Variants in CUL1 observed in about 807,000 individuals in gnomAD.
The protein encoded by CUL1 is cullin 1.
In CUL1, 24 loss-of-function variants were observed where a neutral mutation model predicts 118.0. The ratio of observed to expected loss-of-function variants is 0.20; its 90% CI spans 0.15 to 0.29. The LOEUF (loss-of-function observed/expected upper bound fraction) is 0.29. CUL1 is among the 10% of genes least tolerant of loss of function. The pLI, the probability that CUL1 is intolerant of heterozygous loss-of-function variation, is 1.00. For synonymous variants in CUL1, 332 were observed against 340.4 expected, an observed-to-expected ratio of 0.98 and a Z score of 0.27; for missense variants, 361 against 933.8, an observed-to-expected ratio of 0.39 and a Z score of 7.99.
At chr7:148,799,232 T>TA (rs576360928) in intron 20 of CUL1, 43 bp from the exon 21 acceptor site, 29 of 1,471,708 alleles carry the variant, frequency 2.0e-5, no homozygotes, top group Admixed American at 5.0e-5. Flanking sequence ...ACAACGTTGT[T>TA]ACAGCTCTAA....
At chr7:148,783,638 G>A in intron 9 of CUL1, 145 bp from the exon 10 acceptor site, 2 of 1,542,160 alleles carry the variant, frequency 1.3e-6, no homozygotes, top group Non-Finnish European at 1.7e-6. Flanking sequence ...GGTACCAAAA[G>A]TATTTCTTGC....
intron 7 of CUL1, among the ~76,000 whole-genome samples, chr7:148,766,118 G>T (rs1421020103): frequency 6.6e-6 from 1 of 152,138 alleles, no homozygotes; most frequent in Non-Finnish European, 1.5e-5. Flanking sequence ...TAAAATCAAA[G>T]AACTTTTTCC....
At chr7:148,765,228 A>G (rs1563162896) in intron 7 of CUL1, among the ~76,000 whole-genome samples, 1 of 152,256 alleles carries the variant, frequency 6.6e-6, no homozygotes, top group Non-Finnish European at 1.5e-5. Flanking sequence ...AGTTCTTGAT[A>G]GTACAAGTCC....
chr7:148,800,589 TG>T lies in CUL1; in HGVS notation c.*9del. ...CTACAGTTACTTGGCTTAACCCTTC[TG>T]GAAGGGTCTGACTGTGTGACCCGCA... On this transcript the variant is annotated 3_prime_UTR_variant, in exon 22 of 22. Coordinates refer to ENST00000325222, the MANE Select transcript of CUL1 (RefSeq NM_003592.3). This position sits in a 1 kb window ranked among gnomAD's most constrained non-coding sequence, Gnocchi z 4.6. 6.3e-7 allele frequency: 1 copy of T among 1,593,830 alleles called. No homozygotes were observed. Among genetic ancestry groups the T allele is most frequent in the Non-Finnish European group, 8.6e-7 (1 of 1,161,724 alleles).
At chr7:148,729,584 A>G (rs1342531005) in intron 1 of CUL1, among the ~76,000 whole-genome samples, 1 of 152,082 alleles carries the variant, frequency 6.6e-6, no homozygotes, top group Non-Finnish European at 1.5e-5. Context: ...TTTCCTATTT[A>G]TTAGCTGTTT....
At chr7:148,742,505 T>A (rs1212400603) in intron 2 of CUL1, among the ~76,000 whole-genome samples, 2 of 152,138 alleles carry the variant, frequency 1.3e-5, no homozygotes, top group East Asian at 1.9e-4. Context: ...ATTATTACAG[T>A]TCAAGGTGCT....
At position 148,799,331 on chromosome 7, in the gene CUL1, T is replaced by G. The variant is rs1360368624; in HGVS notation, c.2193T>G (p.Leu731=). Residue 731 remains leucine (L), a synonymous_variant, in exon 21 of 22, where the codon CTT becomes CTG. Transcript: ENST00000325222. Reference sequence around the variant, plus strand: ...AGGTTCTGAAACACCAGCAGTTACTTGGCGAGGTCCTCACTCAGCTGTCCT... The same window carrying G: ...AGGTTCTGAAACACCAGCAGTTACTGGGCGAGGTCCTCACTCAGCTGTCCT... ...MRKVLKHQQL[L]GEVLTQLSSR... is the part of the protein sequence containing the mutation. The G allele has an allele frequency of 6.2e-7, 1 of 1,614,068 alleles. No individual in the cohort carries two copies. The highest frequency in any genetic ancestry group is 1.3e-5 in the African/African-American group (1 of 74,924).
At chr7:148,699,710 A>C (rs373742958) in intron 1 of CUL1, among the ~76,000 whole-genome samples, 1 of 152,020 alleles carries the variant, frequency 6.6e-6, no homozygotes, top group Non-Finnish European at 1.5e-5. Context: ...GGGCCGGGGC[A>C]TGCGCGCAGG....
chr7:148,775,224 A>T (rs1172187389), intron 9 of CUL1, among the ~76,000 whole-genome samples: 1 of 152,226 alleles, frequency 6.6e-6, no homozygotes, highest in Admixed American at 6.5e-5. Flanking sequence ...TAAATAACTG[A>T]GTCTTGATGC....
chr7:148,774,492 C>T (rs537820641), intron 9 of CUL1, among the ~76,000 whole-genome samples: 1 of 152,330 alleles, frequency 6.6e-6, no homozygotes, highest in South Asian at 2.1e-4. Flanking sequence ...TAATTCTTGA[C>T]TATACAATTG....
At chr7:148,758,618 A>G (rs73158225) in intron 4 of CUL1, among the ~76,000 whole-genome samples, 7,289 of 152,294 alleles carry the variant, frequency 0.048, 263 homozygotes, top group Middle Eastern at 0.078. Context: ...TCATGTCTCA[A>G]GAAAAAAAGA....
intron 4 of CUL1, among the ~76,000 whole-genome samples, chr7:148,757,547 A>C (rs746759110): frequency 5.6e-4 from 85 of 152,194 alleles, no homozygotes; most frequent in Non-Finnish European, 1.0e-3. Context: ...GAGTCTGGGA[A>C]ACGCTGCTTC....
At chr7:148,798,054 C>T in intron 19 of CUL1, 35 bp downstream of exon 19, 1 of 1,263,870 alleles carries the variant, frequency 7.9e-7, no homozygotes, top group Non-Finnish European at 1.1e-6. Context: ...GGCCCTTGAC[C>T]ATAGACACGT....
intron 3 of CUL1, 89 bp downstream of exon 3, chr7:148,754,239 C>T (rs995801581): frequency 9.2e-6 from 8 of 873,754 alleles, no homozygotes; most frequent in Non-Finnish European, 1.4e-5. Flanking sequence ...CTTTCACTGT[C>T]ATCTGTTACT....
chr7:148,764,008 G>C (rs1267508440), intron 7 of CUL1, among the ~76,000 whole-genome samples: 3 of 151,352 alleles, frequency 2.0e-5, no homozygotes, highest in African/African-American at 7.4e-5. Context: ...AACCATGTTA[G>C]TGTTTCTAAA....
At chr7:148,700,974 C>G (rs901552280) in intron 1 of CUL1, among the ~76,000 whole-genome samples, 1 of 152,112 alleles carries the variant, frequency 6.6e-6, no homozygotes, top group African/African-American at 2.4e-5. Flanking sequence ...TATTACAGTT[C>G]ATTAGACTCT....
At chr7:148,704,326 T>C (rs564093458) in intron 1 of CUL1, among the ~76,000 whole-genome samples, 5 of 152,274 alleles carry the variant, frequency 3.3e-5, no homozygotes, top group South Asian at 2.1e-4. Flanking sequence ...GAACTACTTA[T>C]GGTGAAGGTA....
chr7:148,709,163 C>T (rs1371020101), intron 1 of CUL1, among the ~76,000 whole-genome samples: 1 of 152,140 alleles, frequency 6.6e-6, no homozygotes, highest in African/African-American at 2.4e-5. Flanking sequence ...ACTACAGTTT[C>T]ACATTAAAAA....
At chr7:148,737,837 A>G (rs374678798) in intron 2 of CUL1, among the ~76,000 whole-genome samples, 6 of 152,076 alleles carry the variant, frequency 3.9e-5, no homozygotes, top group African/African-American at 1.2e-4. Context: ...ACCTCAAGCA[A>G]TCTGTTCACC....
Sources: allele counts gnomAD v4.1 joint callset (sites outside exome capture counted in the v4.1 genomes callset), GRCh38; gene constraint gnomAD v4.1.1; non-coding constraint Gnocchi (gnomAD v3.1); transcripts MANE v1.5; gene names NCBI Gene and HGNC (gene_info 2026-07-23, HGNC 2026-07-21).